The following TMTC2 variants were observed in gnomAD, a reference collection of about 807,000 sequenced individuals.
TMTC2 encodes protein O-mannosyl-transferase TMTC2.
Under a neutral mutation model 82.4 loss-of-function variants are expected in TMTC2, and 43 were observed. The ratio of observed to expected loss-of-function variants is 0.52; its 90% CI spans 0.41 to 0.67. TMTC2 has a LOEUF of 0.67. Among genes scored for constraint, TMTC2 ranks in the 30% least tolerant of loss-of-function variants. The pLI is 0.00. For missense variants in TMTC2, 919 were observed against 1,012.4 expected, an observed-to-expected ratio of 0.91 and a Z score of 1.25; for synonymous variants, 408 against 381.9, an observed-to-expected ratio of 1.07 and a Z score of -0.80.
chr12:83,044,554 A>G (rs924111042), intron 9 of TMTC2, among the ~76,000 whole-genome samples: 2 of 152,134 alleles, frequency 1.3e-5, no homozygotes, highest in African/African-American at 4.8e-5. Context: ...AAGTATGGGC[A>G]CTATTTAGGA....
At chr12:82,979,652 A>G (rs1445857656) in intron 7 of TMTC2, among the ~76,000 whole-genome samples, 1 of 151,734 alleles carries the variant, frequency 6.6e-6, no homozygotes, top group Non-Finnish European at 1.5e-5. Context: ...CAATTTTATA[A>G]TATTCTGTGT....
At chr12:82,845,093 G>A (rs1303366205) in intron 1 of TMTC2, among the ~76,000 whole-genome samples, 1 of 150,332 alleles carries the variant, frequency 6.7e-6, no homozygotes, top group African/African-American at 2.4e-5. Flanking sequence ...GCTGGGCGTA[G>A]TGGCGGGCGC....
intron 3 of TMTC2, among the ~76,000 whole-genome samples, chr12:82,917,330 A>G (rs1331886306): frequency 6.6e-6 from 1 of 151,934 alleles, no homozygotes; most frequent in Non-Finnish European, 1.5e-5. Context: ...TTTTAAAATA[A>G]TATTTATTTA....
intron 1 of TMTC2, among the ~76,000 whole-genome samples, chr12:82,845,840 A>G (rs1452470757): frequency 2.0e-5 from 3 of 151,952 alleles, no homozygotes; most frequent in Admixed American, 2.0e-4. Flanking sequence ...CTTTTCATAT[A>G]ACATTTAAAA....
chr12:82,992,100 C>T (rs1464901720), intron 8 of TMTC2, among the ~76,000 whole-genome samples: 1 of 152,084 alleles, frequency 6.6e-6, no homozygotes, highest in Non-Finnish European at 1.5e-5. Context: ...CTGTGTCTAG[C>T]CAAAGTTAAT....
chr12:82,817,873 T>C (rs78369922), intron 1 of TMTC2, among the ~76,000 whole-genome samples: 1,591 of 152,270 alleles, frequency 0.01, 30 homozygotes, highest in African/African-American at 0.037. Flanking sequence ...ACACAATTTA[T>C]TCTTGGCTGT....
chr12:82,987,834 G>T (rs181986772), intron 8 of TMTC2, among the ~76,000 whole-genome samples: 1 of 152,082 alleles, frequency 6.6e-6, no homozygotes, highest in African/African-American at 2.4e-5. Context: ...AGAAGGCAGC[G>T]TGAATATTTG....
intron 1 of TMTC2, among the ~76,000 whole-genome samples, chr12:82,820,941 A>G (rs997383340): frequency 6.6e-6 from 1 of 152,112 alleles, no homozygotes; most frequent in Non-Finnish European, 1.5e-5. Flanking sequence ...GCAGTGGCGG[A>G]AAGAACTCCT....
chr12:82,803,418 G>C (rs1879103649), intron 1 of TMTC2, among the ~76,000 whole-genome samples: 1 of 152,112 alleles, frequency 6.6e-6, no homozygotes, highest in African/African-American at 2.4e-5. Context: ...TTGGCTGCCA[G>C]CACCAGGGAG....
At chr12:83,028,954 G>T (rs566773572) in intron 8 of TMTC2, among the ~76,000 whole-genome samples, 54 of 152,208 alleles carry the variant, frequency 3.5e-4, no homozygotes, top group African/African-American at 1.2e-3. Flanking sequence ...GTGATTTAAC[G>T]AGGAGTTACT....
chr12:83,105,885 T>C (rs758791504), intron 11 of TMTC2, among the ~76,000 whole-genome samples: 4 of 152,168 alleles, frequency 2.6e-5, no homozygotes, highest in Non-Finnish European at 5.9e-5. Flanking sequence ...CCCAAGGAAG[T>C]AATCACCATG....
At chr12:82,910,938 T>C (rs749688806) in intron 3 of TMTC2, among the ~76,000 whole-genome samples, 8 of 151,264 alleles carry the variant, frequency 5.3e-5, no homozygotes, top group Non-Finnish European at 1.0e-4. Context: ...TGGAGTGCAG[T>C]GGTGTGATCT....
At chr12:82,693,854 G>A (rs1005289764) in intron 1 of TMTC2, among the ~76,000 whole-genome samples, 23 of 151,252 alleles carry the variant, frequency 1.5e-4, no homozygotes, top group Admixed American at 1.3e-4. Flanking sequence ...TGTAACCCCC[G>A]CTACTCAGGA....
chr12:83,018,423 C>T (rs140990043), intron 8 of TMTC2, among the ~76,000 whole-genome samples: 24 of 152,316 alleles, frequency 1.6e-4, no homozygotes, highest in African/African-American at 5.8e-4. Context: ...AAGGAATTAT[C>T]CAGTGAATGC....
Position 82,687,323 on chromosome 12 carries a change from C to G in TMTC2, c.-264C>G. ...TCCGCCGGGGGACGCGGAGCCCAAA[C>G]GCCGCTCACCGCTTGCGGGCGCCGG... On this transcript the variant is annotated 5_prime_UTR_variant, in exon 1 of 12. Coordinates refer to ENST00000321196, the MANE Select transcript of TMTC2 (RefSeq NM_152588.3). The G allele has an allele frequency of 1.9e-6, 1 of 534,154 alleles. No individual in the cohort carries two copies. The highest frequency in any genetic ancestry group is 2.1e-5 in the South Asian group (1 of 47,240). The allele number at this position is 534,154 out of a possible 1,614,324, so 33.1% of individuals were successfully genotyped here. A position where few individuals can be genotyped will look rare whatever the true frequency, so the allele number is the denominator to read the frequency against.
chr12:82,911,004 C>T (rs1392641326), intron 3 of TMTC2, among the ~76,000 whole-genome samples: 3 of 152,020 alleles, frequency 2.0e-5, no homozygotes, highest in Non-Finnish European at 4.4e-5. Context: ...CCTCAGCCTC[C>T]CGAGTAGCTG....
chr12:82,962,742 G>A (rs1442277369), intron 4 of TMTC2, among the ~76,000 whole-genome samples: 1 of 151,866 alleles, frequency 6.6e-6, no homozygotes, highest in African/African-American at 2.4e-5. Flanking sequence ...TCAAAATTGT[G>A]AGCAGTCAGC....
At chr12:83,126,343 A>G (rs1377423429) in intron 11 of TMTC2, among the ~76,000 whole-genome samples, 1 of 152,090 alleles carries the variant, frequency 6.6e-6, no homozygotes, top group Non-Finnish European at 1.5e-5. Context: ...TAGGGACTTC[A>G]GTTGTATTTA....
At chr12:82,931,617 AC>A (rs1378647666) in intron 4 of TMTC2, among the ~76,000 whole-genome samples, 1 of 152,162 alleles carries the variant, frequency 6.6e-6, no homozygotes, top group Non-Finnish European at 1.5e-5. Flanking sequence ...TCCTGGGTTG[AC>A]TAGATGCAGG....
Sources: gnomAD v4.1 joint callset for allele counts (sites outside exome capture counted in the v4.1 genomes callset) on GRCh38, gnomAD v4.1.1 for gene constraint, MANE v1.5 for transcripts, NCBI Gene and HGNC (gene_info 2026-07-23, HGNC 2026-07-21) for gene names.